The following KIF26B variants were observed in gnomAD, a reference collection of about 807,000 sequenced individuals.
The protein encoded by KIF26B is kinesin-like protein KIF26B.
A neutral mutation model predicts 151.2 loss-of-function variants in KIF26B; 63 were observed. That is an observed-to-expected ratio of 0.42 (90% CI 0.34 to 0.51). The LOEUF is 0.51. Among genes scored for constraint, KIF26B ranks in the 20% least tolerant of loss-of-function variants. The pLI is 0.07. For missense variants in KIF26B, 2,813 were observed against 2,913.6 expected (o/e 0.97, Z 0.79); for synonymous variants, 1,357 against 1,262.1 (o/e 1.08, Z -1.59).
chr1:245,607,406 G>A (rs888669657), intron 6 of KIF26B, among the ~76,000 whole-genome samples: 8 of 152,194 alleles, frequency 5.3e-5, no homozygotes, highest in African/African-American at 1.9e-4. Flanking sequence ...CGCATTCGCT[G>A]AAACGTACCA....
intron 10 of KIF26B, among the ~76,000 whole-genome samples, chr1:245,660,517 T>G (rs1168040481): frequency 1.3e-5 from 2 of 151,464 alleles, no homozygotes; most frequent in Non-Finnish European, 2.9e-5. Context: ...TTTAAAAATT[T>G]TTTTCTAGAG....
At chr1:245,337,924 A>G (rs1672267739) in intron 2 of KIF26B, among the ~76,000 whole-genome samples, 2 of 152,228 alleles carry the variant, frequency 1.3e-5, no homozygotes. Flanking sequence ...CAGATCAGAA[A>G]TGGCAAACTA....
intron 4 of KIF26B, among the ~76,000 whole-genome samples, chr1:245,532,248 C>CTTT (rs74163062): frequency 0.017 from 2,024 of 121,436 alleles, 65 homozygotes; most frequent in Non-Finnish European, 0.025. Context: ...CTTTTCTTTT[C>CTTT]TTTTTTTTTT....
At chr1:245,365,596 G>A (rs180990881) in intron 2 of KIF26B, among the ~76,000 whole-genome samples, 6 of 151,328 alleles carry the variant, frequency 4.0e-5, no homozygotes, top group Non-Finnish European at 8.8e-5. Flanking sequence ...GTGAATTTCC[G>A]AAGGGCAGAT....
intron 2 of KIF26B, among the ~76,000 whole-genome samples, chr1:245,364,310 G>A (rs1288597112): frequency 4.6e-5 from 7 of 152,256 alleles, no homozygotes; most frequent in Middle Eastern, 3.4e-3. Flanking sequence ...TGGCTCATGC[G>A]GTTTCTGGAG....
chr1:245,592,705 C>T (rs553142779), intron 5 of KIF26B, among the ~76,000 whole-genome samples: 10 of 150,590 alleles, frequency 6.6e-5, no homozygotes, highest in African/African-American at 2.4e-4. Flanking sequence ...TGGACTTTCT[C>T]CAGGTGGATA....
chr1:245,386,185 G>C (rs1673539511), intron 3 of KIF26B, among the ~76,000 whole-genome samples: 1 of 152,210 alleles, frequency 6.6e-6, no homozygotes, highest in East Asian at 1.9e-4. Context: ...AGGTTGCAGT[G>C]AGTTGAGATT....
chr1:245,484,892 G>A (rs1157496110), intron 4 of KIF26B, among the ~76,000 whole-genome samples: 1 of 151,640 alleles, frequency 6.6e-6, no homozygotes, highest in Non-Finnish European at 1.5e-5. Context: ...TGAATTAACT[G>A]GGATAACAAA....
chr1:245,433,595 T>G (rs192795547), intron 4 of KIF26B, among the ~76,000 whole-genome samples: 219 of 152,334 alleles, frequency 1.4e-3, no homozygotes, highest in Non-Finnish European at 2.2e-3. Context: ...AAAATAATTC[T>G]GAAGGATAAA....
chr1:245,686,899 C>A lies in KIF26B; in HGVS notation c.3916C>A (p.His1306Asn). 6.2e-7 allele frequency: 1 copy of A among 1,613,340 alleles called. No individual in the cohort carries two copies. Among genetic ancestry groups the A allele is most frequent in the Non-Finnish European group, 8.5e-7 (1 of 1,179,750 alleles). ...HSFIAQTCFG[H>N]GEAMAEPVAS... ...TTTCATAGCCCAGACGTGTTTTGGG[C>A]ACGGGGAGGCAATGGCAGAACCTGT... Residue 1306 changes from histidine (H) to asparagine (N), a missense_variant, in exon 12 of 15, where the codon CAC becomes AAC. By Grantham distance (68) the His-to-Asn change is moderately conservative. Around this residue, in one of 3 missense-constraint regions of KIF26B, gnomAD observed 2,060 missense variants for 2,088.6 expected, o/e 0.99. Coordinates refer to ENST00000407071, the MANE Select transcript of KIF26B (RefSeq NM_018012.4). The surrounding 1 kb of genome is among the most constrained non-coding windows in gnomAD (Gnocchi z 5.6).
intron 2 of KIF26B, among the ~76,000 whole-genome samples, chr1:245,303,197 CTTTT>C (rs757473264): frequency 3.9e-5 from 4 of 102,606 alleles, no homozygotes; most frequent in Non-Finnish European, 5.7e-5. Flanking sequence ...ACTAAATGTT[CTTTT>C]TTTTTTTTTT....
chr1:245,304,092 C>G lies in KIF26B; in HGVS notation c.466-62742C>G, dbSNP rs141002735. Among the ~76,000 whole-genome samples, 4 of 152,322 alleles carry G rather than the reference C, an allele frequency of 2.6e-5. No homozygotes were observed. The East Asian group carries it at 5.8e-4, about 22-fold the overall frequency. ...GAAGAATAAAGCAGCATTCCAGTTG[C>G]AGGAGTATAAGCCAGCCACAGACCC... is the stretch of plus-strand genomic sequence containing the variant. On this transcript the variant is annotated intron_variant, in intron 2 of 14. Transcript: ENST00000407071.
chr1:245,640,143 C>CTCTCTCTCTCTCTCTATATATA, intron 9 of KIF26B, among the ~76,000 whole-genome samples: 1 of 31,932 alleles, frequency 3.1e-5, no homozygotes, highest in African/African-American at 1.4e-4. Flanking sequence ...CTCTCTCTCT[C>CTCTCTCTCTCTCTCTATATATA]TATATATATA....
At chr1:245,588,674 C>T (rs980913660) in intron 5 of KIF26B, among the ~76,000 whole-genome samples, 2 of 152,176 alleles carry the variant, frequency 1.3e-5, no homozygotes, top group East Asian at 1.9e-4. Context: ...GGAACTCTTA[C>T]GTGGAAATGC....
chr1:245,394,055 G>A (rs1195100840), intron 3 of KIF26B, among the ~76,000 whole-genome samples: 1 of 152,122 alleles, frequency 6.6e-6, no homozygotes, highest in Non-Finnish European at 1.5e-5. Flanking sequence ...TGAGCCTTTT[G>A]GGGGTTTTGA....
intron 2 of KIF26B, among the ~76,000 whole-genome samples, chr1:245,162,540 C>T (rs1386882093): frequency 6.6e-6 from 1 of 152,040 alleles, no homozygotes; most frequent in Non-Finnish European, 1.5e-5. Flanking sequence ...CGCCCGCCAC[C>T]ACGCCCAGCT....
rs879445624 is a variant in KIF26B at position 245,342,566 on chromosome 1, TG to T, written c.466-24267del. On this transcript the variant is annotated intron_variant, in intron 2 of 14. Transcript: ENST00000407071. Reference sequence around the variant, plus strand: ...CAATTCTGGTTTTTGTTTTTGTTTTTGTTTTTTCCCTATTTTTCCCAAAGAC... The same window carrying T: ...CAATTCTGGTTTTTGTTTTTGTTTTTTTTTTTCCCTATTTTTCCCAAAGAC... Among the ~76,000 whole-genome samples the T allele has an allele frequency of 0.015, 2,245 of 152,284 alleles. 104 individuals are homozygous for T. The East Asian group carries it at 0.15, about 10-fold the overall frequency.
chr1:245,629,095 A>G (rs2043753525), intron 9 of KIF26B, among the ~76,000 whole-genome samples: 1 of 152,206 alleles, frequency 6.6e-6, no homozygotes, highest in Non-Finnish European at 1.5e-5. Flanking sequence ...AGGAAATAAG[A>G]GAGGACACAA....
chr1:245,316,240 G>T (rs1671772760), intron 2 of KIF26B, among the ~76,000 whole-genome samples: 2 of 151,810 alleles, frequency 1.3e-5, no homozygotes, highest in South Asian at 4.2e-4. Context: ...TCCTGCCTCA[G>T]CCTCCCAAGT....
Sources: gnomAD v4.1 joint callset for allele counts (sites outside exome capture counted in the v4.1 genomes callset) on GRCh38, gnomAD v4.1.1 for gene constraint, gnomAD v4.1.1 regional missense constraint, Gnocchi (gnomAD v3.1) non-coding constraint, MANE v1.5 for transcripts, NCBI Gene and HGNC (gene_info 2026-07-23, HGNC 2026-07-21) for gene names.